Variants in ZMYND19 observed in about 807,000 individuals in gnomAD.
The protein encoded by ZMYND19 is zinc finger MYND domain-containing protein 19.
A neutral mutation model predicts 32.0 loss-of-function variants in ZMYND19; 17 were observed. That is an observed-to-expected ratio of 0.53 (90% confidence interval 0.36 to 0.80). ZMYND19 has a LOEUF of 0.80. Ranked by LOEUF, ZMYND19 falls within the 30% of genes least tolerant of loss-of-function variation. The pLI, the probability that ZMYND19 is intolerant of heterozygous loss-of-function variation, is 0.00. For synonymous variants in ZMYND19, 124 were observed against 113.6 expected, an observed-to-expected ratio of 1.09 and a Z score of -0.58; for missense variants, 250 against 293.6, an observed-to-expected ratio of 0.85 and a Z score of 1.09.
At chr9:137,588,933 A>T (rs1222918626) in intron 1 of ZMYND19, 3 of 556,242 alleles carry the variant, frequency 5.4e-6, no homozygotes, top group Non-Finnish European at 6.4e-6. Flanking sequence ...GACAGGTTAA[A>T]AGCCAGCTGC....
At chr9:137,587,147 G>A (rs762350180) in intron 3 of ZMYND19, 40 bp from the exon 4 acceptor site, 18 of 1,591,486 alleles carry the variant, frequency 1.1e-5, no homozygotes, top group South Asian at 1.0e-4. Context: ...ACCCTGCATC[G>A]CTGCCTCCCA....
At chr9:137,582,931 T>G in intron 5 of ZMYND19, 52 bp downstream of exon 5, 1 of 1,596,854 alleles carries the variant, frequency 6.3e-7, no homozygotes, top group South Asian at 1.1e-5. Flanking sequence ...AAACCAAGGC[T>G]GGGCTACAGG....
chr9:137,582,419 T>A lies in ZMYND19; in HGVS notation c.*124A>T. The A allele has an allele frequency of 7.2e-7, 1 of 1,387,540 alleles. No individual in the cohort carries two copies. Among genetic ancestry groups the A allele is most frequent in the Non-Finnish European group, 9.7e-7 (1 of 1,034,592 alleles). 86.0% of individuals were successfully genotyped at this position (1,387,540 alleles called of 1,614,324 possible). On this transcript the variant is annotated 3_prime_UTR_variant, in exon 6 of 6. Coordinates refer to ENST00000298585, the MANE Select transcript of ZMYND19 (RefSeq NM_138462.3). The stretch of plus-strand genomic sequence containing the variant: ...CAGACTGCCTGTGACATCGGGAGTC[T>A]CACGGCAGCTGTCCTGGGCCCGCAG...
Position 137,587,516 on chromosome 9 carries a change from G to A in ZMYND19, c.218+201C>T, listed in dbSNP as rs966465818. On this transcript the variant is annotated intron_variant, in intron 3 of 5. Transcript: ENST00000298585. Reference sequence around the variant, plus strand: ...GCCGGTCCTGGGCAAGCTCCCAGCAGAAAGTCCACTTGGTGTTTGAAGTGC... The same window carrying A: ...GCCGGTCCTGGGCAAGCTCCCAGCAAAAAGTCCACTTGGTGTTTGAAGTGC... 6.5e-6 allele frequency: 4 copies of A among 615,678 alleles called. No individual in the cohort carries two copies. In the Admixed American group the frequency reaches 1.2e-4, roughly 18 times the overall value. The allele number at this position is 615,678 out of a possible 1,614,324, so 38.1% of individuals were successfully genotyped here. A position where few individuals can be genotyped will look rare whatever the true frequency, so the allele number is the denominator to read the frequency against.
At chr9:137,588,824 T>A in intron 1 of ZMYND19, 106 bp from the exon 2 acceptor site, 1 of 1,354,902 alleles carries the variant, frequency 7.4e-7, no homozygotes, top group Non-Finnish European at 1.0e-6. Context: ...TCCTGTGAAG[T>A]GGAAAGTAAC....
intron 3 of ZMYND19, chr9:137,587,442 G>A (rs961698933): frequency 3.4e-6 from 2 of 593,040 alleles, no homozygotes; most frequent in Admixed American, 3.0e-5. Context: ...ACACCGGGGG[G>A]GCTCGGCAAA....
intron 1 of ZMYND19, chr9:137,589,506 C>T (rs1333298248): frequency 2.0e-6 from 2 of 985,364 alleles, no homozygotes; most frequent in Middle Eastern, 5.2e-4. Context: ...CTGGCTGGTG[C>T]AGCTGCACAG....
intron 4 of ZMYND19, 73 bp downstream of exon 4, chr9:137,586,894 A>G (rs957083972): frequency 3.5e-5 from 56 of 1,588,684 alleles, no homozygotes; most frequent in South Asian, 2.7e-4. Flanking sequence ...ACCCTCTTGG[A>G]AACAAGAGCT....
Position 137,587,226 on chromosome 9 carries a change from C to T in ZMYND19, c.219-119G>A, listed in dbSNP as rs1470220444. On this transcript the variant is annotated intron_variant, in intron 3 of 5. Transcript: ENST00000298585. ...AGAAATGTCAGCCATGTGATCTGAT[C>T]GGGCCCCTGGTCCTTTGGATGAGGG... 13 of 1,488,074 alleles carry T rather than the reference C, an allele frequency of 8.7e-6. No homozygotes were observed. The South Asian group carries it at 1.0e-4, about 12-fold the overall frequency. The allele number at this position is 1,488,074 out of a possible 1,614,324, so 92.2% of individuals were successfully genotyped here. A position where few individuals can be genotyped will look rare whatever the true frequency, so the allele number is the denominator to read the frequency against.
At chr9:137,589,018 C>T (rs1025304046) in intron 1 of ZMYND19, 3 of 376,016 alleles carry the variant, frequency 8.0e-6, no homozygotes, top group Admixed American at 4.1e-5. Context: ...TGGCACTGAA[C>T]ATTCAACGCA....
chr9:137,587,270 C>T, intron 3 of ZMYND19, 163 bp from the exon 4 acceptor site: 1 of 1,189,210 alleles, frequency 8.4e-7, no homozygotes, highest in Non-Finnish European at 1.1e-6. Context: ...GCGGAAGCTG[C>T]TGAGAGAAAC....
At chr9:137,589,982 A>T in intron 1 of ZMYND19, 1 of 985,176 alleles carries the variant, frequency 1.0e-6, no homozygotes, top group Non-Finnish European at 1.2e-6. Context: ...GGCAGGGCCG[A>T]GGGTGGCCAG....
At chr9:137,589,866 G>A in intron 1 of ZMYND19, 3 of 985,374 alleles carry the variant, frequency 3.0e-6, no homozygotes, top group Non-Finnish European at 3.6e-6. Flanking sequence ...GCTAGGCCCC[G>A]GATCGCCGAC....
At position 137,588,669 on chromosome 9, in the gene ZMYND19, T is replaced by C. The variant is rs779931872; in HGVS notation, c.101A>G (p.Tyr34Cys). The C allele has an allele frequency of 6.2e-7, 1 of 1,614,046 alleles. No homozygotes were observed. Among genetic ancestry groups the C allele is most frequent in the South Asian group, 1.1e-5 (1 of 91,080 alleles). The change falls in exon 2 of 6, where the codon TAC (tyrosine) becomes TGC (cysteine). Residue 34 changes from tyrosine (Y) to cysteine (C), a missense_variant. By Grantham distance (194) the Tyr-to-Cys change is radical. Transcript: ENST00000298585. Reference sequence around the variant, plus strand: ...GCCATCCTTACTTACCTCAAAGGAGTAGCTCTCCACCAGCGGGATGTCCTG... The same window carrying C: ...GCCATCCTTACTTACCTCAAAGGAGCAGCTCTCCACCAGCGGGATGTCCTG... The part of the protein sequence containing the change: ...DEQDIPLVES[Y>C]SFEARMEVDA...
At chr9:137,584,706 T>C (rs1402629801) in intron 4 of ZMYND19, among the ~76,000 whole-genome samples, 1 of 152,164 alleles carries the variant, frequency 6.6e-6, no homozygotes, top group Non-Finnish European at 1.5e-5. Flanking sequence ...CCCTTCCCCT[T>C]CCCTTTTCAT....
At chr9:137,582,961 G>A (rs202233711) in intron 5 of ZMYND19, 22 bp downstream of exon 5, 559 of 1,612,480 alleles carry the variant, frequency 3.5e-4, no homozygotes, top group Non-Finnish European at 4.4e-4. Flanking sequence ...CCAGGGACGC[G>A]ACCGCACTGC....
At chr9:137,589,479 C>T in intron 1 of ZMYND19, 1 of 985,470 alleles carries the variant, frequency 1.0e-6, no homozygotes, top group Non-Finnish European at 1.2e-6. Context: ...AACAGGGCTC[C>T]CATCCGGGTA....
At chr9:137,582,843 GACCACTCT>G in intron 5 of ZMYND19, 132 bp downstream of exon 5, 3 of 1,502,734 alleles carry the variant, frequency 2.0e-6, no homozygotes, top group Non-Finnish European at 2.7e-6. Context: ...GGCAAAGGGA[GACCACTCT>G]GGTGGAAAAG....
intron 4 of ZMYND19, among the ~76,000 whole-genome samples, chr9:137,583,978 G>A (rs1842175216): frequency 6.6e-6 from 1 of 152,198 alleles, no homozygotes; most frequent in Admixed American, 6.5e-5. Flanking sequence ...GGACCACAGG[G>A]AGGCCACAGA....
Sources: allele counts gnomAD v4.1 joint callset (sites outside exome capture counted in the v4.1 genomes callset), GRCh38; gene constraint gnomAD v4.1.1; transcripts MANE v1.5; gene names NCBI Gene and HGNC (gene_info 2026-07-23, HGNC 2026-07-21).